The following HMGCLL1 variants were observed in gnomAD, a reference collection of about 807,000 sequenced individuals.
The protein encoded by HMGCLL1 is 3-hydroxymethyl-3-methylglutaryl-CoA lyase, cytoplasmic.
HMGCLL1 carries 36 observed loss-of-function variants against 39.1 expected under a neutral mutation model. The ratio of observed to expected loss-of-function variants is 0.92; its 90% CI spans 0.71 to 1.22. The LOEUF is 1.22. Among genes scored for constraint, HMGCLL1 ranks in the 50% most tolerant of loss-of-function variants. HMGCLL1 has a pLI of 0.00. For synonymous variants in HMGCLL1, 149 were observed against 144.0 expected, an observed-to-expected ratio of 1.03 and a Z score of -0.25; for missense variants, 451 against 416.5, an observed-to-expected ratio of 1.08 and a Z score of -0.72.
At chr6:55,487,519 T>A (rs149982970) in intron 7 of HMGCLL1, among the ~76,000 whole-genome samples, 3,962 of 152,020 alleles carry the variant, frequency 0.026, 164 homozygotes, top group African/African-American at 0.091. Flanking sequence ...ATTGTTCTGC[T>A]CCTACTTATG....
intron 1 of HMGCLL1, among the ~76,000 whole-genome samples, chr6:55,550,796 G>A (rs1198932397): frequency 6.6e-6 from 1 of 151,564 alleles, no homozygotes. Context: ...GCAATGTCTG[G>A]AGAAATTTTG....
At chr6:55,651,398 ATGGGGCCTCACAACTC>A in the HMGCLL1 span, among the ~76,000 whole-genome samples, 1 of 152,082 alleles carries the variant, frequency 6.6e-6, no homozygotes, top group African/African-American at 2.4e-5. Context: ...AGGGACCAGA[ATGGGGCCTCACAACTC>A]TGCCCTATGC....
At chr6:55,614,436 T>G in the HMGCLL1 span, among the ~76,000 whole-genome samples, 2 of 152,096 alleles carry the variant, frequency 1.3e-5, no homozygotes, top group Non-Finnish European at 2.9e-5. Flanking sequence ...ATCTGAGATG[T>G]CCCAGCCTCC....
At chr6:55,458,845 G>T (rs527511377) in intron 7 of HMGCLL1, among the ~76,000 whole-genome samples, 1 of 152,202 alleles carries the variant, frequency 6.6e-6, no homozygotes, top group Non-Finnish European at 1.5e-5. Context: ...ACACTGTTTT[G>T]GATGAGTAAA....
the HMGCLL1 span, among the ~76,000 whole-genome samples, chr6:55,642,685 G>A: frequency 1.3e-5 from 2 of 152,082 alleles, no homozygotes; most frequent in Admixed American, 6.6e-5. Flanking sequence ...TTGTTGTAGA[G>A]GTAAACTTGT....
At chr6:55,539,711 G>T (rs150987575) in intron 3 of HMGCLL1, among the ~76,000 whole-genome samples, 39 of 151,368 alleles carry the variant, frequency 2.6e-4, no homozygotes, top group Non-Finnish European at 4.7e-4. Context: ...AAGAGTTGAG[G>T]GGGGGAGGAG....
chr6:55,617,814 G>C, the HMGCLL1 span, among the ~76,000 whole-genome samples: 1 of 151,976 alleles, frequency 6.6e-6, no homozygotes, highest in African/African-American at 2.4e-5. Context: ...ATATGCCCAA[G>C]AATATATGTA....
chr6:55,640,711 G>A, the HMGCLL1 span, among the ~76,000 whole-genome samples: 8 of 151,286 alleles, frequency 5.3e-5, no homozygotes, highest in African/African-American at 1.9e-4. Context: ...ATCCTTATTT[G>A]TATTATATCA....
At chr6:55,445,901 G>A (rs544814390) in intron 7 of HMGCLL1, among the ~76,000 whole-genome samples, 1 of 151,974 alleles carries the variant, frequency 6.6e-6, no homozygotes, top group South Asian at 2.1e-4. Context: ...CCTCAAAACT[G>A]TAAATAGTAA....
At chr6:55,562,226 A>T (rs7776071) in intron 1 of HMGCLL1, among the ~76,000 whole-genome samples, 65,298 of 151,904 alleles carry the variant, frequency 0.43, 14,123 homozygotes, top group East Asian at 0.55. Context: ...TTTATTAATA[A>T]GAGAATCTTC....
the HMGCLL1 span, among the ~76,000 whole-genome samples, chr6:55,619,815 G>T: frequency 6.6e-6 from 1 of 151,812 alleles, no homozygotes; most frequent in African/African-American, 2.4e-5. Flanking sequence ...CTATATTTAG[G>T]TACACATTAA....
chr6:55,592,771 A>T, the HMGCLL1 span, among the ~76,000 whole-genome samples: 2 of 152,192 alleles, frequency 1.3e-5, no homozygotes, highest in African/African-American at 2.4e-5. Context: ...TTAAGTGGAC[A>T]CTAATTCATG....
chr6:55,612,815 C>T, the HMGCLL1 span, among the ~76,000 whole-genome samples: 2 of 152,120 alleles, frequency 1.3e-5, no homozygotes, highest in Non-Finnish European at 2.9e-5. Flanking sequence ...GGATTAAAGA[C>T]TTAAATGTAA....
chr6:55,508,817 C>A (rs1303268131), intron 5 of HMGCLL1, among the ~76,000 whole-genome samples: 1 of 152,026 alleles, frequency 6.6e-6, no homozygotes, highest in African/African-American at 2.4e-5. Flanking sequence ...ACACCACTAA[C>A]TTTCTTGAAA....
chr6:55,441,713 T>C (rs1195420088), intron 7 of HMGCLL1, among the ~76,000 whole-genome samples: 1 of 151,964 alleles, frequency 6.6e-6, no homozygotes, highest in African/African-American at 2.4e-5. Context: ...TTTTTTGAGA[T>C]GGAGTCTTGC....
chr6:55,477,206 A>ATATAT (rs1354689338), intron 7 of HMGCLL1, among the ~76,000 whole-genome samples: 1 of 21,766 alleles, frequency 4.6e-5, no homozygotes, highest in African/African-American at 3.6e-4. Context: ...ATTATATAAT[A>ATATAT]TATATTATAT....
chr6:55,609,674 A>G, the HMGCLL1 span, among the ~76,000 whole-genome samples: 1 of 152,186 alleles, frequency 6.6e-6, no homozygotes, highest in Non-Finnish European at 1.5e-5. Flanking sequence ...ACCAAGGGAC[A>G]GCCAAAATGC....
the HMGCLL1 span, among the ~76,000 whole-genome samples, chr6:55,592,967 A>C: frequency 6.6e-6 from 1 of 152,148 alleles, no homozygotes; most frequent in Non-Finnish European, 1.5e-5. Context: ...ACTAAGCTAA[A>C]GTGAAATCTA....
chr6:55,572,018 T>A (rs918361543), intron 1 of HMGCLL1, among the ~76,000 whole-genome samples: 4 of 133,928 alleles, frequency 3.0e-5, no homozygotes, highest in Admixed American at 2.9e-4. Context: ...AAAATGCTAA[T>A]GTAGAAAAAG....
Sources: allele counts gnomAD v4.1 joint callset (sites outside exome capture counted in the v4.1 genomes callset), GRCh38; gene constraint gnomAD v4.1.1; transcripts MANE v1.5; gene names NCBI Gene and HGNC (gene_info 2026-07-23, HGNC 2026-07-21).